Variants in RFPL2 observed in about 807,000 individuals in gnomAD.
RFPL2 encodes ret finger protein-like 2.
In RFPL2, 13 loss-of-function variants were observed where a neutral mutation model predicts 17.8. The ratio of observed to expected loss-of-function variants is 0.73; its 90% CI spans 0.47 to 1.16. The LOEUF (loss-of-function observed/expected upper bound fraction) is 1.16, where lower values mean the gene tolerates loss of function less well. Ranked by LOEUF, RFPL2 falls within the 50% of genes most tolerant of loss-of-function variation. The pLI is 0.00. For synonymous variants in RFPL2, 189 were observed against 180.9 expected (o/e 1.04, Z -0.36); for missense variants, 431 against 479.3 (o/e 0.90, Z 0.94).
intron 3 of RFPL2, among the ~76,000 whole-genome samples, 191 bp downstream of exon 3, chr22:32,194,154 C>T (rs1871127127): frequency 6.6e-6 from 1 of 151,916 alleles, no homozygotes; most frequent in Non-Finnish European, 1.5e-5. Flanking sequence ...AAGTGAATAC[C>T]AAATTGACTG....
chr22:32,201,693 TC>T (rs1156655466), intron 2 of RFPL2, among the ~76,000 whole-genome samples: 4 of 152,220 alleles, frequency 2.6e-5, no homozygotes, highest in Non-Finnish European at 5.9e-5. Flanking sequence ...GCTCCCAGGT[TC>T]TGGGGCTCCA....
At chr22:32,191,410 C>G (rs1374803972) in intron 4 of RFPL2, 58 bp from the exon 5 acceptor site, 1 of 1,534,010 alleles carries the variant, frequency 6.5e-7, no homozygotes, top group Non-Finnish European at 8.8e-7. Context: ...CTATGCCTCT[C>G]TTCTACTTCA....
At chr22:32,204,474 A>T (rs960778569) in intron 1 of RFPL2, among the ~76,000 whole-genome samples, 4 of 151,672 alleles carry the variant, frequency 2.6e-5, no homozygotes, top group African/African-American at 9.7e-5. Context: ...TGGCGCCCTC[A>T]ATCCGCCCCC....
rs375330515 is a variant in RFPL2, at chr22:32,190,808, A to G, written c.1101T>C (p.Thr367=). 2.5e-5 allele frequency: 39 copies of G among 1,540,776 alleles called. No homozygotes were observed. Among genetic ancestry groups the G allele is most frequent in the Non-Finnish European group, 3.1e-5 (35 of 1,143,118 alleles). Residue 367 remains threonine, a synonymous_variant, in exon 5 of 5, where the codon ACT becomes ACC. Transcript: ENST00000652607. ...CCCCAGGACGGACTGGAGCATCAGT[A>G]GTGCCTGAGTTCATCAAAGGACAGA... ...LSICPLMNSG[T]TDAPVRPGEA... is the part of the protein sequence containing the mutation.
At chr22:32,196,495 C>T (rs1293293806) in intron 2 of RFPL2, among the ~76,000 whole-genome samples, 4 of 152,022 alleles carry the variant, frequency 2.6e-5, no homozygotes, top group Non-Finnish European at 1.5e-5. Context: ...GTTAACTTTA[C>T]GTGATTAGAA....
intron 1 of RFPL2, among the ~76,000 whole-genome samples, chr22:32,204,098 C>A (rs1376676615): frequency 6.6e-6 from 1 of 150,630 alleles, no homozygotes; most frequent in African/African-American, 2.4e-5. Context: ...TGAAGCCCCC[C>A]GATAGCACCC....
rs136481 is a variant in RFPL2, at chr22:32,193,862, C to CA, written c.265+482dup. On this transcript the variant is annotated intron_variant, in intron 3 of 4. Coordinates refer to ENST00000652607, the MANE Select transcript of RFPL2 (RefSeq NM_001394555.1). ...TGGGCAACAGAGTGAGACACCATCT[C>CA]AAAAAAAAAAAAAAAAAAAAAAAAG... Among the ~76,000 whole-genome samples the CA allele has an allele frequency of 9.2e-3, 660 of 71,524 alleles. 8 individuals are homozygous for CA. Among genetic ancestry groups the CA allele is most frequent in the South Asian group, 0.026 (48 of 1,882 alleles). The allele number at this position is 71,524 out of a possible 152,430, so 46.9% of individuals were successfully genotyped here. A position where few individuals can be genotyped will look rare whatever the true frequency, so the allele number is the denominator to read the frequency against.
At chr22:32,197,560 C>G (rs1923479828) in intron 2 of RFPL2, among the ~76,000 whole-genome samples, 1 of 152,072 alleles carries the variant, frequency 6.6e-6, no homozygotes, top group African/African-American at 2.4e-5. Context: ...CTCCCCTGTC[C>G]CCCCATCCCA....
chr22:32,202,841 C>G (rs745694267), intron 1 of RFPL2: 26 of 1,053,076 alleles, frequency 2.5e-5, no homozygotes, highest in Non-Finnish European at 3.0e-5. Context: ...TGCCGGTTCC[C>G]GTTCCTGATG....
intron 1 of RFPL2, chr22:32,203,145 G>C: frequency 1.1e-6 from 1 of 944,792 alleles, no homozygotes; most frequent in South Asian, 4.9e-5. Context: ...ACTCATCCGT[G>C]CCTAGTACAT....
At position 32,190,575 on chromosome 22, in the gene RFPL2, A is replaced by G. The variant is rs1922464140; in HGVS notation, c.*197T>C. 1 of 475,768 alleles carries G rather than the reference A, an allele frequency of 2.1e-6. No individual in the cohort carries two copies. 29.5% of individuals were successfully genotyped at this position (475,768 alleles called of 1,614,324 possible). Reference sequence around the variant, plus strand: ...TAGGAAACAAGATGTGAACCATAGGACTCAATGAGTTTGATGGTGGCAATA... The same window carrying G: ...TAGGAAACAAGATGTGAACCATAGGGCTCAATGAGTTTGATGGTGGCAATA... On this transcript the variant is annotated 3_prime_UTR_variant, in exon 5 of 5. Coordinates refer to ENST00000652607, the MANE Select transcript of RFPL2 (RefSeq NM_001394555.1).
Position 32,202,529 on chromosome 22 carries a change from G to A in RFPL2, c.-78C>T, listed in dbSNP as rs563211153. ...CTCCTTCTCAGGGCACTGGGCATCC[G>A]GGCAGACAAAGCCAGAAAAGCCTAG... On this transcript the variant is annotated 5_prime_UTR_variant, in exon 2 of 5. Coordinates refer to ENST00000652607, the MANE Select transcript of RFPL2 (RefSeq NM_001394555.1). 13 of 1,540,012 alleles carry A rather than the reference G, an allele frequency of 8.4e-6. No individual in the cohort carries two copies. In the East Asian group the frequency reaches 9.8e-5, roughly 12 times the overall value.
rs757429777 is a variant in RFPL2, at chr22:32,202,304, A to G, written c.119+29T>C. ...CCTTATAAAGACTCCACCCTGGAGC[A>G]ATGCGGAAAACCCAGAATTGTCTCT... is the stretch of plus-strand genomic sequence containing the variant. On this transcript the variant is annotated intron_variant, in intron 2 of 4. Transcript: ENST00000652607. 9 of 1,565,428 alleles carry G rather than the reference A, an allele frequency of 5.7e-6. No homozygotes were observed. The South Asian group carries it at 9.4e-5, about 16-fold the overall frequency.
intron 2 of RFPL2, among the ~76,000 whole-genome samples, chr22:32,197,414 AT>A (rs111977737): frequency 3.4e-5 from 5 of 148,338 alleles, no homozygotes; most frequent in Admixed American, 6.7e-5. Flanking sequence ...TTTTTACTTC[AT>A]TTTTTTTTAT....
intron 2 of RFPL2, among the ~76,000 whole-genome samples, chr22:32,198,681 T>C (rs1923614152): frequency 6.6e-6 from 1 of 151,850 alleles, no homozygotes; most frequent in South Asian, 2.1e-4. Flanking sequence ...TGGTAAAGCT[T>C]TCTCCAGGGA....
Position 32,202,666 on chromosome 22 carries a change from C to G in RFPL2, c.-99-116G>C, listed in dbSNP as rs529092387. On this transcript the variant is annotated intron_variant, in intron 1 of 4. Coordinates refer to ENST00000652607, the MANE Select transcript of RFPL2 (RefSeq NM_001394555.1). ...ACCCACACTTCAAAGTCCAGCCTCT[C>G]CTTTTAGCGCAAGCTGGCCAGGAAC... 6.9e-5 allele frequency: 94 copies of G among 1,371,356 alleles called. 1 individual carries two copies. In the Admixed American group the frequency reaches 2.5e-3, roughly 36 times the overall value. The allele number at this position is 1,371,356 out of a possible 1,614,324, so 84.9% of individuals were successfully genotyped here. A position where few individuals can be genotyped will look rare whatever the true frequency, so the allele number is the denominator to read the frequency against.
chr22:32,202,780 G>A (rs1023914950), intron 1 of RFPL2: 2 of 1,077,288 alleles, frequency 1.9e-6, no homozygotes, highest in Non-Finnish European at 1.1e-6. Flanking sequence ...TGCACTCCTC[G>A]GGAAGCAGGA....
chr22:32,200,859 C>A (rs749459075), intron 2 of RFPL2, among the ~76,000 whole-genome samples: 6 of 151,984 alleles, frequency 3.9e-5, no homozygotes, highest in Admixed American at 6.6e-5. Context: ...TGAGGTCTCA[C>A]GTTTGGGGCC....
intron 1 of RFPL2, among the ~76,000 whole-genome samples, chr22:32,204,204 A>G (rs1244481974): frequency 8.1e-6 from 1 of 123,816 alleles, no homozygotes; most frequent in Admixed American, 1.0e-4. Flanking sequence ...TAGAGCCCCC[A>G]ACCAGCCCCC....
Sources: allele counts gnomAD v4.1 joint callset (sites outside exome capture counted in the v4.1 genomes callset), GRCh38; gene constraint gnomAD v4.1.1; transcripts MANE v1.5; gene names NCBI Gene and HGNC (gene_info 2026-07-23, HGNC 2026-07-21).